Variants in CADM1 observed in about 807,000 individuals in gnomAD.
CADM1 encodes the protein cell adhesion molecule 1, also known as TSLC-1.
CADM1 carries 15 observed loss-of-function variants against 53.1 expected under a neutral mutation model. The observed-to-expected ratio is 0.28, with a 90% CI of 0.19 to 0.44. The LOEUF is 0.44. Among genes scored for constraint, CADM1 ranks in the 20% least tolerant of loss-of-function variants. The pLI is 1.00. For missense variants in CADM1, 434 were observed against 611.3 expected (o/e 0.71, Z 3.06); for synonymous variants, 281 against 243.0 (o/e 1.16, Z -1.45).
chr11:115,192,990 C>CA (rs1939960364), intron 9 of CADM1, among the ~76,000 whole-genome samples: 1 of 152,170 alleles, frequency 6.6e-6, no homozygotes, highest in South Asian at 2.1e-4. Flanking sequence ...TGTGAACCTA[C>CA]AATACTCTGC....
At chr11:115,445,312 C>G (rs546503907) in intron 1 of CADM1, among the ~76,000 whole-genome samples, 1 of 152,272 alleles carries the variant, frequency 6.6e-6, no homozygotes, top group Non-Finnish European at 1.5e-5. Context: ...TACTTCCCCA[C>G]TTACAGCTCA....
intron 1 of CADM1, among the ~76,000 whole-genome samples, chr11:115,249,846 C>T (rs1185066294): frequency 1.3e-5 from 2 of 152,182 alleles, no homozygotes; most frequent in African/African-American, 2.4e-5. Context: ...TTAATGGATA[C>T]TTCTCAATCC....
At chr11:115,222,945 T>G (rs1024522880) in intron 5 of CADM1, among the ~76,000 whole-genome samples, 2 of 152,158 alleles carry the variant, frequency 1.3e-5, no homozygotes, top group Non-Finnish European at 2.9e-5. Flanking sequence ...ATCTTCCCTC[T>G]GTAACAAGAG....
intron 2 of CADM1, among the ~76,000 whole-genome samples, chr11:115,240,012 T>G (rs1336976633): frequency 6.6e-6 from 1 of 152,198 alleles, no homozygotes; most frequent in Non-Finnish European, 1.5e-5. Context: ...GCTAAGTATT[T>G]GGGACTCGAT....
intron 1 of CADM1, among the ~76,000 whole-genome samples, chr11:115,330,413 A>G (rs1203137660): frequency 6.6e-6 from 1 of 152,156 alleles, no homozygotes; most frequent in African/African-American, 2.4e-5. Flanking sequence ...TTGGAGCTGC[A>G]GAATTTTGTT....
intron 1 of CADM1, among the ~76,000 whole-genome samples, chr11:115,399,999 A>C (rs1947097142): frequency 6.6e-6 from 1 of 152,204 alleles, no homozygotes; most frequent in Admixed American, 6.5e-5. Flanking sequence ...TGTACATACA[A>C]AATTCTGCAC....
chr11:115,222,877 T>C (rs1941458110), intron 5 of CADM1, among the ~76,000 whole-genome samples: 1 of 152,318 alleles, frequency 6.6e-6, no homozygotes, highest in South Asian at 2.1e-4. Context: ...GCAATTCTCA[T>C]CATTTGTAAG....
intron 1 of CADM1, among the ~76,000 whole-genome samples, chr11:115,336,985 A>C (rs938463677): frequency 9.9e-5 from 15 of 152,174 alleles, no homozygotes; most frequent in African/African-American, 3.6e-4. Flanking sequence ...ACACATTTCA[A>C]AGATGCCATC....
intron 1 of CADM1, among the ~76,000 whole-genome samples, chr11:115,303,332 C>T (rs1056734440): frequency 6.6e-6 from 1 of 151,912 alleles, no homozygotes; most frequent in Admixed American, 6.6e-5. Flanking sequence ...TGTTTTTGCC[C>T]AAGAGCCAGT....
intron 1 of CADM1, among the ~76,000 whole-genome samples, chr11:115,484,816 G>A (rs1485238128): frequency 4.0e-5 from 6 of 151,876 alleles, no homozygotes; most frequent in South Asian, 2.1e-4. Context: ...GCGTGGTGGC[G>A]GGCGCCTGTA....
chr11:115,271,290 T>C (rs1943290448), intron 1 of CADM1, among the ~76,000 whole-genome samples: 1 of 152,118 alleles, frequency 6.6e-6, no homozygotes. Flanking sequence ...GTTGTTGTTG[T>C]TGTTGTTTTT....
intron 1 of CADM1, among the ~76,000 whole-genome samples, chr11:115,352,532 G>C (rs1400632818): frequency 6.6e-6 from 1 of 152,178 alleles, no homozygotes; most frequent in Non-Finnish European, 1.5e-5. Flanking sequence ...CCAGAAGCCA[G>C]CTAAGAGCTC....
intron 1 of CADM1, among the ~76,000 whole-genome samples, chr11:115,300,575 C>G (rs1264583151): frequency 6.6e-6 from 1 of 152,036 alleles, no homozygotes; most frequent in Non-Finnish European, 1.5e-5. Context: ...AAATTCTGTC[C>G]TGAAGAACTC....
chr11:115,355,707 A>AACACACACACAC (rs71066418), intron 1 of CADM1, among the ~76,000 whole-genome samples: 1 of 150,828 alleles, frequency 6.6e-6, no homozygotes, highest in African/African-American at 2.4e-5. Flanking sequence ...TTAAATTACT[A>AACACACACACAC]ACACACACAC....
intron 1 of CADM1, among the ~76,000 whole-genome samples, chr11:115,242,183 G>A (rs1394139279): frequency 3.3e-5 from 5 of 151,922 alleles, no homozygotes; most frequent in Admixed American, 1.3e-4. Context: ...ACCCAACCTC[G>A]AGCTCTAGGA....
At chr11:115,223,302 G>A (rs1591619350) in intron 5 of CADM1, among the ~76,000 whole-genome samples, 2 of 152,220 alleles carry the variant, frequency 1.3e-5, no homozygotes, top group South Asian at 2.1e-4. Flanking sequence ...TAGCACTTCC[G>A]ATGTGTCTCT....
At chr11:115,467,277 T>C (rs1220709078) in intron 1 of CADM1, among the ~76,000 whole-genome samples, 1 of 152,278 alleles carries the variant, frequency 6.6e-6, no homozygotes, top group Admixed American at 6.5e-5. Flanking sequence ...TTCTAAACGA[T>C]AGGGAACACT....
intron 8 of CADM1, among the ~76,000 whole-genome samples, chr11:115,199,871 A>G (rs1419572197): frequency 6.6e-6 from 1 of 152,214 alleles, no homozygotes; most frequent in African/African-American, 2.4e-5. Context: ...TGCTTTCATG[A>G]GCTGTGGAGA....
At chr11:115,243,020 A>G (rs1278200507) in intron 1 of CADM1, among the ~76,000 whole-genome samples, 1 of 152,236 alleles carries the variant, frequency 6.6e-6, no homozygotes, top group Non-Finnish European at 1.5e-5. Flanking sequence ...CATGTTGTCC[A>G]TGATTTTGTC....
Sources: gnomAD v4.1 joint callset for allele counts (sites outside exome capture counted in the v4.1 genomes callset) on GRCh38, gnomAD v4.1.1 for gene constraint, MANE v1.5 for transcripts, NCBI Gene and HGNC (gene_info 2026-07-23, HGNC 2026-07-21) for gene names.